The following RSPO2 variants were observed in gnomAD, a reference collection of about 807,000 sequenced individuals.
RSPO2 encodes R-spondin 2.
In RSPO2, 14 loss-of-function variants were observed where a neutral mutation model predicts 30.9. The ratio of observed to expected loss-of-function variants is 0.45; its 90% CI spans 0.30 to 0.71. The LOEUF is 0.71. Among genes scored for constraint, RSPO2 ranks in the 30% least tolerant of loss-of-function variants. The probability of loss-of-function intolerance (pLI) is 0.08; values close to 1 mark genes in which losing one functional copy is unlikely to be tolerated. For missense variants in RSPO2, 264 were observed against 301.9 expected (o/e 0.87, Z 0.93); for synonymous variants, 107 against 96.4 (o/e 1.11, Z -0.64).
Position 108,059,313 on chromosome 8 carries a change from T to C in RSPO2, c.94+23232A>G, listed in dbSNP as rs1013703215. Reference sequence around the variant, plus strand: ...AAAACCACAATGAGATACCATCTCATACCATTTAGAATGGCAATCATTAAA... The same window carrying C: ...AAAACCACAATGAGATACCATCTCACACCATTTAGAATGGCAATCATTAAA... On this transcript the variant is annotated intron_variant, in intron 2 of 5. Coordinates refer to ENST00000276659, the MANE Select transcript of RSPO2 (RefSeq NM_178565.5). Among the ~76,000 whole-genome samples the C allele has an allele frequency of 4.0e-4, 61 of 151,782 alleles. 2 individuals carry two copies. Among genetic ancestry groups the C allele is most frequent in the Admixed American group, 1.9e-3 (29 of 15,252 alleles).
chr8:108,033,578 G>T (rs1811498467), intron 2 of RSPO2, among the ~76,000 whole-genome samples: 1 of 152,124 alleles, frequency 6.6e-6, no homozygotes, highest in South Asian at 2.1e-4. Context: ...GGTGCCATAT[G>T]GGCATCAATT....
At chr8:108,020,948 C>T (rs1011778750) in intron 2 of RSPO2, among the ~76,000 whole-genome samples, 12 of 152,178 alleles carry the variant, frequency 7.9e-5, no homozygotes, top group Non-Finnish European at 5.9e-5. Context: ...CACTTCAGTA[C>T]TTGGTGTCAA....
chr8:108,001,278 A>G (rs1380830127), intron 2 of RSPO2, among the ~76,000 whole-genome samples: 1 of 152,200 alleles, frequency 6.6e-6, no homozygotes, highest in Non-Finnish European at 1.5e-5. Context: ...ACACAAGAAA[A>G]AAGTAGTTAT....
At chr8:107,951,049 T>G (rs1563535588) in intron 5 of RSPO2, among the ~76,000 whole-genome samples, 1 of 64,038 alleles carries the variant, frequency 1.6e-5, no homozygotes, top group Admixed American at 1.8e-4. Context: ...ATAAGTTTTT[T>G]TTTGTTGTTG....
At chr8:107,974,323 C>CA (rs747026899) in intron 3 of RSPO2, among the ~76,000 whole-genome samples, 13,256 of 83,414 alleles carry the variant, frequency 0.16, 1,863 homozygotes, top group African/African-American at 0.4. Context: ...TTCATCTCTA[C>CA]AAAAAAAAAA....
intron 3 of RSPO2, among the ~76,000 whole-genome samples, chr8:107,967,157 C>A (rs756947606): frequency 6.6e-6 from 1 of 152,168 alleles, no homozygotes; most frequent in Non-Finnish European, 1.5e-5. Context: ...CTGCCCACTG[C>A]GTGCTAAAAT....
intron 2 of RSPO2, among the ~76,000 whole-genome samples, chr8:108,019,944 C>T (rs1016991929): frequency 6.6e-6 from 1 of 152,058 alleles, no homozygotes; most frequent in Admixed American, 6.6e-5. Flanking sequence ...TAATTCTCTT[C>T]AGGGCAGCAA....
In RSPO2 at chr8:107,955,284, C is replaced by A. The variant is rs184964747; in HGVS notation, c.616+2796G>T. ...GGACCTCAGAGATCACCTATCCCCC[C>A]CTAAATCCTCAATTTTACACATGAG... On this transcript the variant is annotated intron_variant, in intron 5 of 5. Transcript: ENST00000276659. 1.5e-3 allele frequency among the ~76,000 whole-genome samples: 222 copies of A among 152,252 alleles called. 1 individual carries two copies. Among genetic ancestry groups the A allele is most frequent in the Admixed American group, 3.5e-3 (54 of 15,290 alleles).
intron 2 of RSPO2, among the ~76,000 whole-genome samples, chr8:108,059,947 A>C (rs1812395845): frequency 6.6e-6 from 1 of 151,274 alleles, no homozygotes; most frequent in African/African-American, 2.5e-5. Context: ...GCACATGTAT[A>C]CATATGTAAC....
rs114841971 is a variant in RSPO2 at position 108,027,778 on chromosome 8, T to C, written c.95-38534A>G. Among the ~76,000 whole-genome samples the C allele has an allele frequency of 3.7e-3, 570 of 152,276 alleles. 2 individuals are homozygous for C. The highest frequency in any genetic ancestry group is 0.013 in the African/African-American group (535 of 41,570). On this transcript the variant is annotated intron_variant, in intron 2 of 5. Transcript: ENST00000276659. ...ACATCTCAATATTTTATTTCACCCC[T>C]AATATGTTCTCCACTGGTTTTATAT...
intron 5 of RSPO2, among the ~76,000 whole-genome samples, chr8:107,956,619 C>T (rs139665569): frequency 1.3e-5 from 2 of 152,172 alleles, no homozygotes; most frequent in African/African-American, 4.8e-5. Context: ...AAATGTGTTG[C>T]CTCTTGTTAC....
Position 108,082,525 on chromosome 8 carries a change from T to G in RSPO2, c.94+20A>C. The G allele has an allele frequency of 3.7e-6, 6 of 1,603,720 alleles. No individual in the cohort carries two copies. Among genetic ancestry groups the G allele is most frequent in the Non-Finnish European group, 5.1e-6 (6 of 1,170,612 alleles). ...CCACCCCTGAAGCCCACCACGCACC[T>G]TTGGCAGAGAGGGACCCACCTCGCT... On this transcript the variant is annotated intron_variant, in intron 2 of 5. Coordinates refer to ENST00000276659, the MANE Select transcript of RSPO2 (RefSeq NM_178565.5).
At chr8:107,914,527 A>G (rs1351122380) in intron 5 of RSPO2, among the ~76,000 whole-genome samples, 4 of 152,094 alleles carry the variant, frequency 2.6e-5, no homozygotes, top group African/African-American at 4.8e-5. Context: ...ACTGTTTACT[A>G]TGTAACTAAT....
chr8:108,057,273 C>A (rs890173205), intron 2 of RSPO2, among the ~76,000 whole-genome samples: 2 of 151,862 alleles, frequency 1.3e-5, no homozygotes, highest in African/African-American at 4.8e-5. Context: ...GACACAGGCA[C>A]TTTCAAAACT....
At chr8:108,024,570 A>C (rs1811146109) in intron 2 of RSPO2, among the ~76,000 whole-genome samples, 1 of 152,192 alleles carries the variant, frequency 6.6e-6, no homozygotes, top group African/African-American at 2.4e-5. Context: ...GAAACAAAAG[A>C]AATTGGTTAC....
chr8:107,974,885 TTTG>T (rs1814157474), intron 3 of RSPO2, among the ~76,000 whole-genome samples: 1 of 151,146 alleles, frequency 6.6e-6, no homozygotes, highest in Non-Finnish European at 1.5e-5. Context: ...AGTGAAAGTG[TTTG>T]TTAATTGAAC....
chr8:108,003,303 ATATATATATTTTTTTTTTTTTT>A (rs1441470968), intron 2 of RSPO2, among the ~76,000 whole-genome samples: 16 of 27,204 alleles, frequency 5.9e-4, no homozygotes, highest in African/African-American at 1.8e-3. Flanking sequence ...ATATATATAT[ATATATATATTTTTTTTTTTTTT>A]TTTTTTTTTT....
intron 2 of RSPO2, among the ~76,000 whole-genome samples, chr8:107,990,442 A>G (rs925035758): frequency 6.6e-6 from 1 of 152,004 alleles, no homozygotes; most frequent in Non-Finnish European, 1.5e-5. Context: ...TCACAAACAA[A>G]CTCTCATTCA....
chr8:107,981,999 A>G (rs1247706689), intron 3 of RSPO2, among the ~76,000 whole-genome samples: 2 of 144,510 alleles, frequency 1.4e-5, no homozygotes, highest in South Asian at 2.3e-4. Flanking sequence ...CTGTGCAACA[A>G]CAACAACAAC....
Sources: gnomAD v4.1 joint callset for allele counts (sites outside exome capture counted in the v4.1 genomes callset) on GRCh38, gnomAD v4.1.1 for gene constraint, MANE v1.5 for transcripts, NCBI Gene and HGNC (gene_info 2026-07-23, HGNC 2026-07-21) for gene names.